Variants in NT5E observed in about 807,000 individuals in gnomAD.
The protein encoded by NT5E is 5'-nucleotidase.
Under a neutral mutation model 55.1 loss-of-function variants are expected in NT5E, and 53 were observed. That is an observed-to-expected ratio of 0.96 (90% CI 0.77 to 1.21). The LOEUF (loss-of-function observed/expected upper bound fraction) is 1.21. Ranked by LOEUF, NT5E falls within the 50% of genes most tolerant of loss-of-function variation. NT5E has a pLI of 0.00. For missense variants in NT5E, 683 were observed against 724.3 expected, an observed-to-expected ratio of 0.94 and a Z score of 0.65; for synonymous variants, 270 against 278.4, an observed-to-expected ratio of 0.97 and a Z score of 0.30.
At chr6:85,456,985 AG>A (rs1190939247) in intron 1 of NT5E, among the ~76,000 whole-genome samples, 1 of 152,216 alleles carries the variant, frequency 6.6e-6, no homozygotes, top group Non-Finnish European at 1.5e-5. Flanking sequence ...TGCTTAGCAC[AG>A]GGCCAGCCCC....
At chr6:85,476,490 C>T (rs1226932178) in intron 3 of NT5E, among the ~76,000 whole-genome samples, 2 of 152,150 alleles carry the variant, frequency 1.3e-5, no homozygotes, top group South Asian at 2.1e-4. Context: ...GTATCTGTGA[C>T]CCCTGGAGCC....
chr6:85,495,731 C>G lies in NT5E; in HGVS notation c.*1727C>G, dbSNP rs1331979349. ...TATTGTGAAGTGGTATAAGAAATGA[C>G]TTTGAACCACTTTGCAATTGTAGAT... On this transcript the variant is annotated 3_prime_UTR_variant, in exon 9 of 9. Coordinates refer to ENST00000257770, the MANE Select transcript of NT5E (RefSeq NM_002526.4). 6.6e-6 allele frequency: 1 copy of G among 152,058 alleles called. No individual in the cohort carries two copies. Among genetic ancestry groups the G allele is most frequent in the Admixed American group, 6.6e-5 (1 of 15,266 alleles). 9.4% of individuals were successfully genotyped at this position (152,058 alleles called of 1,614,324 possible).
rs1321546422 is a variant in NT5E, at chr6:85,495,404, T to C, written c.*1400T>C. The stretch of plus-strand genomic sequence containing the variant: ...CTTCACCTTAAAAACAGTGTGCAAA[T>C]GGCAGCTAGAGGTTTTGATAGGAAG... On this transcript the variant is annotated 3_prime_UTR_variant, in exon 9 of 9. Coordinates refer to ENST00000257770, the MANE Select transcript of NT5E (RefSeq NM_002526.4). 2 of 152,216 alleles carry C rather than the reference T, an allele frequency of 1.3e-5. No individual in the cohort carries two copies. The highest frequency in any genetic ancestry group is 2.4e-5 in the African/African-American group (1 of 41,456). The allele number at this position is 152,216 out of a possible 1,614,324, so 9.4% of individuals were successfully genotyped here.
chr6:85,463,082 A>G (rs1201143733), intron 1 of NT5E, among the ~76,000 whole-genome samples: 2 of 152,096 alleles, frequency 1.3e-5, no homozygotes, highest in Non-Finnish European at 2.9e-5. Context: ...TTCTTTTTTT[A>G]AAAATAGTGT....
At chr6:85,454,254 A>G (rs1054898809) in intron 1 of NT5E, among the ~76,000 whole-genome samples, 20 of 152,232 alleles carry the variant, frequency 1.3e-4, no homozygotes, top group East Asian at 1.9e-4. Flanking sequence ...TTTGAGTACT[A>G]CAAGACTGGT....
chr6:85,450,215 G>T lies in NT5E; in HGVS notation c.76G>T (p.Ala26Ser), dbSNP rs201419844. 2.6e-4 allele frequency: 421 copies of T among 1,608,790 alleles called. No individual in the cohort carries two copies. The African/African-American group carries it at 5.2e-3, about 20-fold the overall frequency. ...LGAVLWPAAGAWELTILHTND... is the reference protein window; with the variant it reads ...LGAVLWPAAGSWELTILHTND... ...CGCGGTGCTGTGGCCTGCGGCTGGCGCCTGGGAGCTTACGATTTTGCACAC... is the reference window on the plus strand; with the variant it reads ...CGCGGTGCTGTGGCCTGCGGCTGGCTCCTGGGAGCTTACGATTTTGCACAC... Residue 26 changes from alanine to serine, a missense_variant, in exon 1 of 9, where the codon GCC (alanine) becomes TCC (serine). By Grantham distance (99) the Ala-to-Ser change is moderately conservative. Transcript: ENST00000257770. This position sits in a 1 kb window ranked among gnomAD's most constrained non-coding sequence, Gnocchi z 4.0.
At chr6:85,478,865 G>A (rs1769487868) in intron 3 of NT5E, among the ~76,000 whole-genome samples, 1 of 151,836 alleles carries the variant, frequency 6.6e-6, no homozygotes, top group African/African-American at 2.4e-5. Flanking sequence ...GAGAGAGAGA[G>A]CTAGAGAAAT....
rs1769800613 is a variant in NT5E at position 85,492,186 on chromosome 6, G to A, written c.1561+9G>A. On this transcript the variant is annotated intron_variant, in intron 8 of 8. Coordinates refer to ENST00000257770, the MANE Select transcript of NT5E (RefSeq NM_002526.4). ...ATTAAGACATGACTCTGGTAAGCAT[G>A]ACTGTCTCTTCCTTTCTCTAAAGAA... is the stretch of plus-strand genomic sequence containing the variant. 1 of 1,613,080 alleles carries A rather than the reference G, an allele frequency of 6.2e-7. No homozygotes were observed. The highest frequency in any genetic ancestry group is 8.5e-7 in the Non-Finnish European group (1 of 1,179,150).
rs964275879 is a variant in NT5E at position 85,458,624 on chromosome 6, G to A, written c.339+8146G>A. Among the ~76,000 whole-genome samples, 6 of 152,028 alleles carry A rather than the reference G, an allele frequency of 3.9e-5. No individual in the cohort carries two copies. In the South Asian group the frequency reaches 8.3e-4, roughly 21 times the overall value. Reference sequence around the variant, plus strand: ...GTTTATTTTCCTCAGCCACATAATCGGAATTTGAACATTCTTTTGACACTT... The same window carrying A: ...GTTTATTTTCCTCAGCCACATAATCAGAATTTGAACATTCTTTTGACACTT... On this transcript the variant is annotated intron_variant, in intron 1 of 8. Transcript: ENST00000257770.
chr6:85,464,578 C>T (rs1442795328), intron 1 of NT5E, among the ~76,000 whole-genome samples: 1 of 152,046 alleles, frequency 6.6e-6, no homozygotes, highest in Admixed American at 6.6e-5. Flanking sequence ...CCCCCTGGAC[C>T]CTGCTTAGGG....
intron 1 of NT5E, among the ~76,000 whole-genome samples, chr6:85,465,220 G>A (rs894660281): frequency 7.9e-5 from 12 of 152,160 alleles, no homozygotes; most frequent in Non-Finnish European, 1.3e-4. Flanking sequence ...ATGGGGAGGT[G>A]GAGAAGGCAT....
intron 3 of NT5E, among the ~76,000 whole-genome samples, chr6:85,477,377 G>C (rs541053330): frequency 1.3e-5 from 2 of 152,084 alleles, no homozygotes; most frequent in African/African-American, 4.8e-5. Context: ...ATTGCTTCTG[G>C]ATTTAGGCAC....
intron 1 of NT5E, among the ~76,000 whole-genome samples, chr6:85,451,180 A>G (rs1207625421): frequency 2.0e-5 from 3 of 152,218 alleles, no homozygotes; most frequent in Non-Finnish European, 2.9e-5. Flanking sequence ...GTGTCTATAT[A>G]TGTTGTTATT....
intron 1 of NT5E, among the ~76,000 whole-genome samples, chr6:85,463,684 C>T (rs140642930): frequency 8.2e-4 from 124 of 152,146 alleles, no homozygotes; most frequent in African/African-American, 2.8e-3. Context: ...ATAATAGAAA[C>T]GAATAAACTA....
intron 3 of NT5E, among the ~76,000 whole-genome samples, chr6:85,477,192 T>C (rs920669749): frequency 9.9e-5 from 15 of 152,204 alleles, no homozygotes; most frequent in African/African-American, 3.4e-4. Flanking sequence ...CAGGCTTCAC[T>C]TCTCTCCTTG....
Position 85,472,272 on chromosome 6 carries a change from T to C in NT5E, c.751+847T>C, listed in dbSNP as rs185833453. ...AAGAGGCTCCTGCTTCTACCATCCT[T>C]ATGTGGGCTGTCAAAGACCATGCTA... is the stretch of plus-strand genomic sequence containing the variant. On this transcript the variant is annotated intron_variant, in intron 3 of 8. Coordinates refer to ENST00000257770, the MANE Select transcript of NT5E (RefSeq NM_002526.4). 2.2e-4 allele frequency among the ~76,000 whole-genome samples: 33 copies of C among 152,284 alleles called. No individual in the cohort carries two copies. The East Asian group carries it at 6.4e-3, about 29-fold the overall frequency.
At chr6:85,457,790 A>G (rs1769017755) in intron 1 of NT5E, among the ~76,000 whole-genome samples, 1 of 152,204 alleles carries the variant, frequency 6.6e-6, no homozygotes, top group Non-Finnish European at 1.5e-5. Context: ...TGCTGAGGAT[A>G]GCGATCAGGA....
chr6:85,451,568 T>C (rs921315147), intron 1 of NT5E, among the ~76,000 whole-genome samples: 3 of 152,122 alleles, frequency 2.0e-5, no homozygotes, highest in African/African-American at 7.2e-5. Context: ...AGTAAAGGGA[T>C]TCAGCAAGAC....
intron 3 of NT5E, among the ~76,000 whole-genome samples, chr6:85,482,753 T>C (rs1366115692): frequency 2.6e-5 from 4 of 152,212 alleles, no homozygotes. Flanking sequence ...TAGCTCTTTG[T>C]GGAAAAAATA....
Sources: allele counts gnomAD v4.1 joint callset (sites outside exome capture counted in the v4.1 genomes callset), GRCh38; gene constraint gnomAD v4.1.1; non-coding constraint Gnocchi (gnomAD v3.1); transcripts MANE v1.5; gene names NCBI Gene and HGNC (gene_info 2026-07-23, HGNC 2026-07-21).